The following THAP8 variants were observed in gnomAD, a reference collection of about 807,000 sequenced individuals.
THAP8 encodes THAP domain-containing protein 8.
Under a neutral mutation model 25.0 loss-of-function variants are expected in THAP8, and 24 were observed. The ratio of observed to expected loss-of-function variants is 0.96; its 90% CI spans 0.69 to 1.35. THAP8 has a LOEUF of 1.35. Among genes scored for constraint, THAP8 ranks in the 40% most tolerant of loss-of-function variants. The pLI is 0.00. For synonymous variants in THAP8, 169 were observed against 157.6 expected (o/e 1.07, Z -0.54); for missense variants, 399 against 368.8 (o/e 1.08, Z -0.67).
intron 1 of THAP8, among the ~76,000 whole-genome samples, chr19:36,043,519 C>T (rs1264692808): frequency 2.6e-5 from 4 of 152,098 alleles, no homozygotes; most frequent in Non-Finnish European, 4.4e-5. Context: ...CAAAATTGTA[C>T]ACTTAAAAAT....
chr19:36,049,379 G>A (rs529093976), intron 1 of THAP8, among the ~76,000 whole-genome samples: 14 of 151,760 alleles, frequency 9.2e-5, no homozygotes, highest in Non-Finnish European at 1.8e-4. Flanking sequence ...AAAAAAAAGA[G>A]AGAGTGAACT....
In THAP8 at chr19:36,040,061, G is replaced by C. The variant is rs1367768252; in HGVS notation, c.159C>G (p.Cys53Trp). 1.2e-6 allele frequency: 2 copies of C among 1,613,568 alleles called. No homozygotes were observed. Among genetic ancestry groups the C allele is most frequent in the Admixed American group, 3.3e-5 (2 of 60,016 alleles). ...AGTGCTCGCTGCACAAGTGCTGGTG[G>C]CAGCTGGGCACCCAGTGCTCACAGC... ...HMGCEHWVPSCHQHLCSEHFT... is the reference protein window; with the variant it reads ...HMGCEHWVPSWHQHLCSEHFT... The change falls in exon 2 of 4, where the codon TGC becomes TGG. Residue 53 changes from cysteine to tryptophan, a missense_variant. Coordinates refer to ENST00000292894, the MANE Select transcript of THAP8 (RefSeq NM_152658.3).
At chr19:36,040,275 G>C in intron 1 of THAP8, 139 bp from the exon 2 acceptor site, 2 of 829,918 alleles carry the variant, frequency 2.4e-6, no homozygotes, top group Non-Finnish European at 3.6e-6. Context: ...TTGTGCCCAG[G>C]CTTTCTCTAT....
intron 1 of THAP8, chr19:36,045,810 A>C (rs76405871): frequency 0.014 from 6,303 of 456,612 alleles, 305 homozygotes; most frequent in African/African-American, 0.11. Flanking sequence ...CAGGCAAAGA[A>C]GAGATTCTCC....
chr19:36,037,226 T>C (rs1969488835), intron 3 of THAP8, among the ~76,000 whole-genome samples: 1 of 135,156 alleles, frequency 7.4e-6, no homozygotes, highest in African/African-American at 2.8e-5. Flanking sequence ...ATAACACCCT[T>C]CCTCAACTTC....
rs1969592576 is a variant in THAP8 at position 36,039,317 on chromosome 19, A to G, written c.672+6T>C. The G allele has an allele frequency of 6.8e-7, 1 of 1,463,480 alleles. No individual in the cohort carries two copies. Among genetic ancestry groups the G allele is most frequent in the African/African-American group, 1.4e-5 (1 of 70,198 alleles). The allele number at this position is 1,463,480 out of a possible 1,614,324, so 90.7% of individuals were successfully genotyped here. Reference sequence around the variant, plus strand: ...GATGGGGCTGCCAGGCTGGGGTGCCACTCACCAGGCGCTGCAGACCCCGGC... The same window carrying G: ...GATGGGGCTGCCAGGCTGGGGTGCCGCTCACCAGGCGCTGCAGACCCCGGC... On this transcript the variant is annotated splice_donor_region_variant and intron_variant, in intron 3 of 3. Transcript: ENST00000292894.
chr19:36,035,064 T>G lies in THAP8; in HGVS notation c.*376A>C. On this transcript the variant is annotated 3_prime_UTR_variant, in exon 4 of 4. Coordinates refer to ENST00000292894, the MANE Select transcript of THAP8 (RefSeq NM_152658.3). ...GAATGAGCACCATGAGGGCAGGGAT[T>G]TTCTCAGCTGTGTCCACCATGGTAT... 1 of 180,084 alleles carries G rather than the reference T, an allele frequency of 5.6e-6. No homozygotes were observed. Among genetic ancestry groups the G allele is most frequent in the Non-Finnish European group, 1.2e-5 (1 of 86,414 alleles). The allele number at this position is 180,084 out of a possible 1,614,324, so 11.2% of individuals were successfully genotyped here.
At chr19:36,052,731 G>C (rs576681137) in intron 1 of THAP8, among the ~76,000 whole-genome samples, 1 of 152,140 alleles carries the variant, frequency 6.6e-6, no homozygotes, top group South Asian at 2.1e-4. Context: ...TTGTAAATAG[G>C]GACTGCTTTT....
intron 1 of THAP8, chr19:36,045,639 C>T (rs1255135424): frequency 2.3e-6 from 1 of 434,660 alleles, no homozygotes; most frequent in Non-Finnish European, 4.6e-6. Flanking sequence ...TATCCTGGGT[C>T]ATCCGGGTTG....
At chr19:36,046,701 C>T (rs1446941909) in intron 1 of THAP8, among the ~76,000 whole-genome samples, 2 of 152,232 alleles carry the variant, frequency 1.3e-5, no homozygotes, top group East Asian at 3.8e-4. Flanking sequence ...CAGCATTCCC[C>T]ATTCTTATTG....
intron 1 of THAP8, among the ~76,000 whole-genome samples, chr19:36,050,422 G>T (rs1380889784): frequency 6.6e-6 from 1 of 152,232 alleles, no homozygotes; most frequent in African/African-American, 2.4e-5. Flanking sequence ...GGGATTACAG[G>T]TGTGAGCCAC....
At chr19:36,048,062 C>T (rs529577170) in intron 1 of THAP8, among the ~76,000 whole-genome samples, 2 of 152,320 alleles carry the variant, frequency 1.3e-5, no homozygotes, top group Admixed American at 6.5e-5. Context: ...GAAAGTGACA[C>T]AGGCCACTTC....
chr19:36,054,056 CGCACA>C (rs2145474882), intron 1 of THAP8, 74 bp downstream of exon 1: 1 of 1,497,776 alleles, frequency 6.7e-7, no homozygotes, highest in East Asian at 2.4e-5. Flanking sequence ...CCAGAAGCCC[CGCACA>C]GCAGCACTAA....
At chr19:36,038,986 G>A (rs1168721713) in intron 3 of THAP8, among the ~76,000 whole-genome samples, 1 of 152,182 alleles carries the variant, frequency 6.6e-6, no homozygotes, top group Admixed American at 6.5e-5. Context: ...ATTAGTAAAT[G>A]GAGCAATCAT....
At chr19:36,040,847 G>A (rs1969666739) in intron 1 of THAP8, among the ~76,000 whole-genome samples, 1 of 152,028 alleles carries the variant, frequency 6.6e-6, no homozygotes, top group Non-Finnish European at 1.5e-5. Flanking sequence ...AAGCGAAAAC[G>A]TTTCTTCCAC....
intron 1 of THAP8, 28 bp downstream of exon 1, chr19:36,054,107 C>G: frequency 6.2e-7 from 1 of 1,606,966 alleles, no homozygotes; most frequent in Non-Finnish European, 8.5e-7. Context: ...TCCCGCCTCC[C>G]TCAAGCCCCG....
intron 1 of THAP8, among the ~76,000 whole-genome samples, chr19:36,040,928 G>A (rs1041860222): frequency 6.6e-6 from 1 of 152,168 alleles, no homozygotes; most frequent in Non-Finnish European, 1.5e-5. Context: ...AACGCAGGAT[G>A]TGGACCTTGC....
chr19:36,041,019 A>G (rs1486659414), intron 1 of THAP8, among the ~76,000 whole-genome samples: 1 of 152,124 alleles, frequency 6.6e-6, no homozygotes, highest in Non-Finnish European at 1.5e-5. Flanking sequence ...GATAATTGTA[A>G]GAAACTGGTC....
intron 3 of THAP8, among the ~76,000 whole-genome samples, chr19:36,037,276 A>ACC (rs1188812505): frequency 8.0e-6 from 1 of 124,950 alleles, no homozygotes; most frequent in Non-Finnish European, 1.7e-5. Context: ...ACACACACAC[A>ACC]CACCTTCCTC....
Sources: gnomAD v4.1 joint callset for allele counts (sites outside exome capture counted in the v4.1 genomes callset) on GRCh38, gnomAD v4.1.1 for gene constraint, MANE v1.5 for transcripts, NCBI Gene and HGNC (gene_info 2026-07-23, HGNC 2026-07-21) for gene names.